Variants in THSD7A observed in about 807,000 individuals in gnomAD.
THSD7A encodes the protein thrombospondin type 1 domain containing 7A, also known as thrombospondin type-1 domain-containing protein 7A.
Under a neutral mutation model 231.3 loss-of-function variants are expected in THSD7A, and 96 were observed. The observed-to-expected ratio is 0.41, with a 90% CI of 0.35 to 0.49. THSD7A has a LOEUF of 0.49. Among genes scored for constraint, THSD7A ranks in the 20% least tolerant of loss-of-function variants. THSD7A has a pLI of 0.05. For synonymous variants in THSD7A, 940 were observed against 743.3 expected (o/e 1.26, Z -4.30); for missense variants, 2,290 against 2,070.2 (o/e 1.11, Z -2.06).
rs1024660278 is a variant in THSD7A, at chr7:11,373,585, A to G, written c.*2209T>C. ...ACCTGTTCTCTTTGAAATGATTTAC[A>G]TTTCCTAATATAGTGAATATTGAAT... On this transcript the variant is annotated 3_prime_UTR_variant, in exon 28 of 28. Coordinates refer to ENST00000423059, the MANE Select transcript of THSD7A (RefSeq NM_015204.3). The G allele has an allele frequency of 6.6e-6, 1 of 152,010 alleles. No individual in the cohort carries two copies. The highest frequency in any genetic ancestry group is 2.4e-5 in the African/African-American group (1 of 41,434). The allele number at this position is 152,010 out of a possible 1,614,324, so 9.4% of individuals were successfully genotyped here.
intron 6 of THSD7A, among the ~76,000 whole-genome samples, chr7:11,494,390 AT>A (rs1787015952): frequency 6.6e-6 from 1 of 152,046 alleles, no homozygotes; most frequent in African/African-American, 2.4e-5. Context: ...GACCACAAAA[AT>A]CCCCAAATGA....
rs1050942371 is a variant in THSD7A, at chr7:11,632,356, A to G, written c.1022+3774T>C. On this transcript the variant is annotated intron_variant, in intron 2 of 27. Coordinates refer to ENST00000423059, the MANE Select transcript of THSD7A (RefSeq NM_015204.3). This position sits in a 1 kb window ranked among gnomAD's most constrained non-coding sequence, Gnocchi z 4.1. ...GTTTTAAGTTTTCCTTTTGCAAATG[A>G]GATATTTTAATCTTTTTCCCCATTA... Among the ~76,000 whole-genome samples the G allele has an allele frequency of 3.3e-5, 5 of 152,158 alleles. No homozygotes were observed. Among genetic ancestry groups the G allele is most frequent in the African/African-American group, 9.6e-5 (4 of 41,456 alleles).
At chr7:11,532,330 T>C (rs957772787) in intron 6 of THSD7A, among the ~76,000 whole-genome samples, 2 of 152,110 alleles carry the variant, frequency 1.3e-5, no homozygotes, top group African/African-American at 4.8e-5. Context: ...TTGGGGTAAT[T>C]TGTTATGTAG....
intron 1 of THSD7A, among the ~76,000 whole-genome samples, chr7:11,766,158 C>T (rs1211523117): frequency 6.6e-6 from 1 of 152,116 alleles, no homozygotes; most frequent in Non-Finnish European, 1.5e-5. Context: ...GCCTGGTGAA[C>T]CTTTTCAAGA....
intron 1 of THSD7A, among the ~76,000 whole-genome samples, chr7:11,650,562 C>G (rs1490291709): frequency 1.3e-5 from 2 of 152,010 alleles, no homozygotes; most frequent in Non-Finnish European, 2.9e-5. Context: ...CTCACAACTT[C>G]AAGTTGTGCA....
At chr7:11,734,724 T>C (rs896855904) in intron 1 of THSD7A, among the ~76,000 whole-genome samples, 1 of 151,866 alleles carries the variant, frequency 6.6e-6, no homozygotes, top group East Asian at 1.9e-4. Context: ...CTAAAGAAAA[T>C]TTTTTTCCCC....
intron 17 of THSD7A, among the ~76,000 whole-genome samples, chr7:11,413,192 A>G (rs1355170897): frequency 6.6e-6 from 1 of 152,058 alleles, no homozygotes; most frequent in Admixed American, 6.5e-5. Context: ...ATAACTTTAA[A>G]TGACTAGGTG....
chr7:11,704,532 T>C, intron 1 of THSD7A, among the ~76,000 whole-genome samples: 1 of 150,794 alleles, frequency 6.6e-6, no homozygotes, highest in South Asian at 2.1e-4. Context: ...CCAGAGACTC[T>C]TTGGAGTCTG....
intron 1 of THSD7A, among the ~76,000 whole-genome samples, chr7:11,657,483 G>T (rs1362083302): frequency 6.6e-6 from 1 of 151,718 alleles, no homozygotes; most frequent in Admixed American, 6.6e-5. Context: ...GTAAATCCTT[G>T]ACTAATATAC....
intron 6 of THSD7A, among the ~76,000 whole-genome samples, chr7:11,489,106 G>C (rs1022034460): frequency 6.6e-6 from 1 of 152,096 alleles, no homozygotes; most frequent in African/African-American, 2.4e-5. Flanking sequence ...CTTCTGGCCA[G>C]AGAGTTTGTC....
Position 11,571,200 on chromosome 7 carries a change from A to G in THSD7A, c.1453+19260T>C, listed in dbSNP as rs973198176. On this transcript the variant is annotated intron_variant, in intron 4 of 27. Transcript: ENST00000423059. ...GAAGCTGATTTCTCTTCCAGACCAT[A>G]AGTTTTGGTTCCACTATATGAGGCT... Among the ~76,000 whole-genome samples the G allele has an allele frequency of 3.9e-5, 6 of 152,282 alleles. 2 individuals carry two copies. The highest frequency in any genetic ancestry group is 6.5e-5 in the Admixed American group (1 of 15,294).
In THSD7A at chr7:11,521,750, G is replaced by A. The variant is rs903863866; in HGVS notation, c.1822+19669C>T. ...TTGTATGACGTTTCCTTCAAATGGC[G>A]GACTAGGGGCAGGCAGAAAAGAGGA... On this transcript the variant is annotated intron_variant, in intron 6 of 27. Coordinates refer to ENST00000423059, the MANE Select transcript of THSD7A (RefSeq NM_015204.3). Among the ~76,000 whole-genome samples the A allele has an allele frequency of 3.8e-4, 55 of 144,456 alleles. 3 individuals are homozygous for A. Among genetic ancestry groups the A allele is most frequent in the African/African-American group, 1.3e-3 (49 of 38,698 alleles). 94.8% of individuals were successfully genotyped at this position (144,456 alleles called of 152,430 possible).
intron 6 of THSD7A, among the ~76,000 whole-genome samples, chr7:11,487,084 C>T (rs1428269033): frequency 3.3e-5 from 5 of 152,124 alleles, no homozygotes; most frequent in Admixed American, 2.0e-4. Flanking sequence ...TTTTCATAAT[C>T]CACTATTCTA....
At chr7:11,495,299 A>T (rs2128308459) in intron 6 of THSD7A, among the ~76,000 whole-genome samples, 1 of 152,218 alleles carries the variant, frequency 6.6e-6, no homozygotes. Context: ...TATGTGGCTC[A>T]GAACAAATGC....
intron 1 of THSD7A, among the ~76,000 whole-genome samples, chr7:11,673,919 A>G (rs1783522544): frequency 6.6e-6 from 1 of 152,034 alleles, no homozygotes; most frequent in African/African-American, 2.4e-5. Flanking sequence ...GCTAGGCTGA[A>G]AAGCCCAGGC....
intron 22 of THSD7A, among the ~76,000 whole-genome samples, chr7:11,404,975 C>T (rs1216958777): frequency 6.6e-6 from 1 of 151,966 alleles, no homozygotes; most frequent in Non-Finnish European, 1.5e-5. Flanking sequence ...TAGTTTAGTT[C>T]TTGACCTGAA....
chr7:11,639,851 A>G (rs1584128824), intron 1 of THSD7A, among the ~76,000 whole-genome samples: 1 of 152,206 alleles, frequency 6.6e-6, no homozygotes, highest in Admixed American at 6.5e-5. Flanking sequence ...ATGAAACAGA[A>G]CTATGCTACA....
chr7:11,505,916 G>T (rs539604004), intron 6 of THSD7A, among the ~76,000 whole-genome samples: 2 of 152,138 alleles, frequency 1.3e-5, no homozygotes, highest in African/African-American at 4.8e-5. Flanking sequence ...CTGGACTTGC[G>T]GGATGGGGAA....
intron 2 of THSD7A, among the ~76,000 whole-genome samples, chr7:11,616,591 T>C (rs957384002): frequency 2.6e-5 from 4 of 152,186 alleles, no homozygotes; most frequent in African/African-American, 9.6e-5. Context: ...CTGACTAAAT[T>C]GCTAGTTTTC....
Sources: gnomAD v4.1 joint callset for allele counts (sites outside exome capture counted in the v4.1 genomes callset) on GRCh38, gnomAD v4.1.1 for gene constraint, Gnocchi (gnomAD v3.1) non-coding constraint, MANE v1.5 for transcripts, NCBI Gene and HGNC (gene_info 2026-07-23, HGNC 2026-07-21) for gene names.